The following CA6 variants were observed in gnomAD, a reference collection of about 807,000 sequenced individuals.
CA6 encodes the protein carbonate dehydratase VI.
In CA6, 28 loss-of-function variants were observed where a neutral mutation model predicts 35.9. That is an observed-to-expected ratio of 0.78 (90% CI 0.58 to 1.07). The LOEUF is 1.07. Ranked by LOEUF, CA6 falls within the 50% of genes least tolerant of loss-of-function variation. The pLI is 0.00. For missense variants in CA6, 377 were observed against 382.0 expected (o/e 0.99, Z 0.11); for synonymous variants, 148 against 152.6 (o/e 0.97, Z 0.22).
intron 5 of CA6, among the ~76,000 whole-genome samples, chr1:8,966,072 GAGT>G (rs1639959638): frequency 6.6e-6 from 1 of 152,080 alleles, no homozygotes; most frequent in African/African-American, 2.4e-5. Flanking sequence ...GGGTAGATAG[GAGT>G]AGAATTGCTG....
At chr1:8,973,777 T>C (rs1434091591) in intron 7 of CA6, among the ~76,000 whole-genome samples, 3 of 50,496 alleles carry the variant, frequency 5.9e-5, no homozygotes, top group Admixed American at 4.6e-4. Context: ...TCTTTCTTTC[T>C]TTCTTTCTTT....
intron 4 of CA6, 37 bp downstream of exon 4, chr1:8,959,039 G>A (rs961896015): frequency 4.8e-6 from 6 of 1,252,690 alleles, no homozygotes; most frequent in Non-Finnish European, 7.0e-6. Context: ...TGTATTTGAA[G>A]TTATAGGTTG....
At chr1:8,960,797 T>TAA (rs1553163143) in intron 4 of CA6, among the ~76,000 whole-genome samples, 11 of 115,042 alleles carry the variant, frequency 9.6e-5, no homozygotes, top group African/African-American at 3.5e-4. Flanking sequence ...CACATATATA[T>TAA]AATGGGAGTC....
chr1:8,969,406 A>C (rs1174738701), intron 6 of CA6, among the ~76,000 whole-genome samples: 1 of 152,060 alleles, frequency 6.6e-6, no homozygotes, highest in Admixed American at 6.6e-5. Flanking sequence ...AGCCAATAAC[A>C]TTATCTAGAA....
Position 8,952,813 on chromosome 1 carries a change from C to T in CA6, c.259+3371C>T, listed in dbSNP as rs148737942. 9.9e-5 allele frequency among the ~76,000 whole-genome samples: 15 copies of T among 152,066 alleles called. No homozygotes were observed. In the East Asian group the frequency reaches 1.7e-3, roughly 18 times the overall value. On this transcript the variant is annotated intron_variant, in intron 2 of 7. Transcript: ENST00000377443. ...CTGGGATTACAGGCATGTGCCACCACGCCTGGCTAATTTTTGTATTTCTAG... is the reference window on the plus strand; with the variant it reads ...CTGGGATTACAGGCATGTGCCACCATGCCTGGCTAATTTTTGTATTTCTAG...
At chr1:8,955,061 CCCAGGTGCCGGCACTGATCCATTAATAT>C (rs1357551787) in intron 2 of CA6, among the ~76,000 whole-genome samples, 8 of 61,456 alleles carry the variant, frequency 1.3e-4, no homozygotes, top group Non-Finnish European at 3.1e-4. Flanking sequence ...ATATATATTG[CCCAGGTGCCGGCACTGATCCATTAATAT>C]ATATTGCCCA....
In CA6 at chr1:8,963,685, G is replaced by A. The variant is rs1234503426; in HGVS notation, c.571+1029G>A. Among the ~76,000 whole-genome samples the A allele has an allele frequency of 1.4e-5, 2 of 143,228 alleles. No homozygotes were observed. The highest frequency in any genetic ancestry group is 2.7e-5 in the African/African-American group (1 of 37,054). 94.0% of individuals were successfully genotyped at this position (143,228 alleles called of 152,430 possible). A position where few individuals can be genotyped will look rare whatever the true frequency, so the allele number is the denominator to read the frequency against. ...GCCTCCTGAGTAGCTGGGACTACAG[G>A]TGCACCACCATGCTTGGCTGGTTTT... On this transcript the variant is annotated intron_variant, in intron 5 of 7. Transcript: ENST00000377443. The surrounding 1 kb of genome is among the most constrained non-coding windows in gnomAD (Gnocchi z 4.1).
intron 1 of CA6, among the ~76,000 whole-genome samples, chr1:8,947,783 G>A (rs1325707094): frequency 2.0e-5 from 3 of 152,008 alleles, no homozygotes; most frequent in East Asian, 3.8e-4. Flanking sequence ...CTCTGAGAAG[G>A]CGTTGTGCTC....
intron 1 of CA6, among the ~76,000 whole-genome samples, chr1:8,948,395 T>C (rs940816114): frequency 2.0e-5 from 3 of 152,116 alleles, no homozygotes; most frequent in Admixed American, 2.0e-4. Context: ...TGGAACCTGA[T>C]GCTTCCTTAG....
At chr1:8,955,824 G>C (rs1639664311) in intron 2 of CA6, among the ~76,000 whole-genome samples, 1 of 152,178 alleles carries the variant, frequency 6.6e-6, no homozygotes, top group South Asian at 2.1e-4. Context: ...CGCTCCTTTA[G>C]ACAATTTGGA....
chr1:8,961,232 C>T (rs777562002), intron 4 of CA6, among the ~76,000 whole-genome samples: 38 of 152,096 alleles, frequency 2.5e-4, no homozygotes, highest in South Asian at 2.1e-4. Context: ...TAATACCAGA[C>T]GGTTAACTCC....
chr1:8,964,994 C>G (rs1288882973), intron 5 of CA6, among the ~76,000 whole-genome samples: 3 of 152,054 alleles, frequency 2.0e-5, no homozygotes, highest in Admixed American at 6.6e-5. Context: ...CTGTAATCCC[C>G]TCACTTTGGG....
At chr1:8,946,025 GT>G in intron 1 of CA6, 60 bp downstream of exon 1, 1 of 1,031,494 alleles carries the variant, frequency 9.7e-7, no homozygotes, top group Non-Finnish European at 1.5e-6. Context: ...AACAGGACAA[GT>G]GCCCTTCTTC....
Position 8,966,686 on chromosome 1 carries a change from G to A in CA6, c.572-973G>A, listed in dbSNP as rs189647186. On this transcript the variant is annotated intron_variant, in intron 5 of 7. Coordinates refer to ENST00000377443, the MANE Select transcript of CA6 (RefSeq NM_001215.4). ...ACTATGTTCTCTGCCTTTAAGAAGC[G>A]CAGAAGTGCTCAGGGAAAGTGAAGC... 2.0e-3 allele frequency among the ~76,000 whole-genome samples: 300 copies of A among 152,284 alleles called. 1 individual carries two copies. The highest frequency in any genetic ancestry group is 6.7e-3 in the African/African-American group (278 of 41,536).
chr1:8,949,940 G>C (rs1457118902), intron 2 of CA6, among the ~76,000 whole-genome samples: 1 of 152,092 alleles, frequency 6.6e-6, no homozygotes, highest in African/African-American at 2.4e-5. Context: ...GCAGGGCCGT[G>C]GGGATGCCCC....
intron 2 of CA6, chr1:8,951,548 G>A (rs759711592): frequency 2.6e-6 from 2 of 765,166 alleles, no homozygotes; most frequent in Non-Finnish European, 4.8e-6. Context: ...AATCATTGAT[G>A]GAGGATCTCT....
At chr1:8,958,071 G>A (rs1639738034) in intron 3 of CA6, among the ~76,000 whole-genome samples, 3 of 152,186 alleles carry the variant, frequency 2.0e-5, no homozygotes, top group South Asian at 4.1e-4. Context: ...TTCAGGCAAG[G>A]TCCTGCCCTC....
chr1:8,949,385 A>T lies in CA6; in HGVS notation c.202A>T (p.Met68Leu). 1 of 1,612,758 alleles carries T rather than the reference A, an allele frequency of 6.2e-7. No homozygotes were observed. The highest frequency in any genetic ancestry group is 2.2e-5 in the East Asian group (1 of 44,806). Reference protein sequence around the residue: ...RYNPSLKGLNMTGYETQAGEF... With the variant: ...RYNPSLKGLNLTGYETQAGEF... ...CAACCCCTCCTTGAAGGGGCTCAAT[A>T]TGACAGGCTATGAGACCCAGGCAGG... Residue 68 changes from methionine (M) to leucine (L), a missense_variant, in exon 2 of 8, where the codon ATG becomes TTG. By Grantham distance (15) the Met-to-Leu change is conservative (BLOSUM62 2). Coordinates refer to ENST00000377443, the MANE Select transcript of CA6 (RefSeq NM_001215.4).
Position 8,963,971 on chromosome 1 carries a change from C to T in CA6, c.571+1315C>T, listed in dbSNP as rs1294644725. Among the ~76,000 whole-genome samples the T allele has an allele frequency of 6.6e-6, 1 of 152,236 alleles. No individual in the cohort carries two copies. Among genetic ancestry groups the T allele is most frequent in the Non-Finnish European group, 1.5e-5 (1 of 68,032 alleles). On this transcript the variant is annotated intron_variant, in intron 5 of 7. Transcript: ENST00000377443. This position sits in a 1 kb window ranked among gnomAD's most constrained non-coding sequence, Gnocchi z 4.1. ...TGCTTTCTCCTCTCTCCTGAAGCCC[C>T]TGTGCCTGGGCTCCAGCAATTCCCC...
Sources: gnomAD v4.1 joint callset for allele counts (sites outside exome capture counted in the v4.1 genomes callset) on GRCh38, gnomAD v4.1.1 for gene constraint, Gnocchi (gnomAD v3.1) non-coding constraint, MANE v1.5 for transcripts, NCBI Gene and HGNC (gene_info 2026-07-23, HGNC 2026-07-21) for gene names.